The following SEMA5A variants were observed in gnomAD, a reference collection of about 807,000 sequenced individuals.
SEMA5A encodes the protein semaphorin 5A, also known as semaphorin-5A.
Under a neutral mutation model 135.5 loss-of-function variants are expected in SEMA5A, and 55 were observed. That is an observed-to-expected ratio of 0.41 (90% CI 0.33 to 0.51). SEMA5A has a LOEUF of 0.51. SEMA5A is among the 20% of genes least tolerant of loss of function. The probability of loss-of-function intolerance (pLI) is 0.37; values close to 1 mark genes in which losing one functional copy is unlikely to be tolerated. For missense variants in SEMA5A, 1,290 were observed against 1,419.9 expected, an observed-to-expected ratio of 0.91 and a Z score of 1.47; for synonymous variants, 580 against 546.5, an observed-to-expected ratio of 1.06 and a Z score of -0.85.
At position 9,443,057 on chromosome 5, in the gene SEMA5A, T is replaced by A. The variant is rs116121286; in HGVS notation, c.-174-5205A>T. On this transcript the variant is annotated intron_variant, in intron 1 of 22. Transcript: ENST00000382496. Reference sequence around the variant, plus strand: ...GATAATGAAACGCCATTCACTCTGGTTATACGCACTGCAACCCTTTCTGTC... The same window carrying A: ...GATAATGAAACGCCATTCACTCTGGATATACGCACTGCAACCCTTTCTGTC... Among the ~76,000 whole-genome samples the A allele has an allele frequency of 9.4e-3, 1,436 of 152,312 alleles. 29 individuals carry two copies. The highest frequency in any genetic ancestry group is 0.033 in the African/African-American group (1,379 of 41,568).
chr5:9,154,179 T>G (rs2428656), intron 12 of SEMA5A, among the ~76,000 whole-genome samples: 117,120 of 145,214 alleles, frequency 0.81, 47,556 homozygotes, highest in East Asian at 0.97. Flanking sequence ...CAGATTAACA[T>G]ATTAATACAG....
intron 5 of SEMA5A, among the ~76,000 whole-genome samples, chr5:9,293,941 T>C (rs1457298117): frequency 1.3e-5 from 2 of 152,240 alleles, no homozygotes; most frequent in East Asian, 3.8e-4. Context: ...TTCCTTTCTT[T>C]GTAAGATCCC....
At position 9,198,483 on chromosome 5, in the gene SEMA5A, T is replaced by C. The variant is rs1324653343; in HGVS notation, c.933-1180A>G. ...CCAAATGCCAGGATTTCCAATCCTT[T>C]GCAATATCTGTGGGTGAAGTAGACA... On this transcript the variant is annotated intron_variant, in intron 9 of 22. Coordinates refer to ENST00000382496, the MANE Select transcript of SEMA5A (RefSeq NM_003966.3). Among the ~76,000 whole-genome samples the C allele has an allele frequency of 2.6e-5, 4 of 152,126 alleles. No homozygotes were observed. In the East Asian group the frequency reaches 7.7e-4, roughly 29 times the overall value.
rs754065909 is a variant in SEMA5A at position 9,154,497 on chromosome 5, C to T, written c.1472G>A (p.Arg491His). The T allele has an allele frequency of 1.1e-5, 17 of 1,611,706 alleles. No individual in the cohort carries two copies. The highest frequency in any genetic ancestry group is 4.5e-4 in the Middle Eastern group (2 of 4,488). ...CCCGGAGATGCCCTACCTGCGTGTG[C>T]GGTAGAACTGGCACCTCTTCAGGGG... ...KIPLKRCQFYRTRSTCIGAQD... is the reference protein window; with the variant it reads ...KIPLKRCQFYHTRSTCIGAQD... The change falls in exon 12 of 23, where the codon CGC becomes CAC. Residue 491 changes from arginine (R) to histidine (H), a missense_variant. Arg to His is a conservative substitution (Grantham distance 29). Transcript: ENST00000382496.
At chr5:9,173,196 C>T (rs1047856983) in intron 11 of SEMA5A, among the ~76,000 whole-genome samples, 14 of 151,724 alleles carry the variant, frequency 9.2e-5, no homozygotes, top group African/African-American at 3.4e-4. Context: ...TTGCTGCTTT[C>T]CAATAACTCA....
chr5:9,338,678 T>C (rs374071778), intron 3 of SEMA5A, among the ~76,000 whole-genome samples: 1 of 152,282 alleles, frequency 6.6e-6, no homozygotes, highest in East Asian at 1.9e-4. Flanking sequence ...TTTAGTATTT[T>C]GAATAACACC....
intron 1 of SEMA5A, among the ~76,000 whole-genome samples, chr5:9,529,513 A>G (rs184437449): frequency 1.3e-5 from 2 of 152,298 alleles, no homozygotes; most frequent in Admixed American, 1.3e-4. Flanking sequence ...ATTACTACTA[A>G]TATATTTCAA....
intron 1 of SEMA5A, among the ~76,000 whole-genome samples, chr5:9,463,787 A>C (rs972386879): frequency 1.3e-5 from 2 of 152,172 alleles, no homozygotes; most frequent in African/African-American, 4.8e-5. Flanking sequence ...GTTTCAAATC[A>C]ACAGCTGTAA....
intron 1 of SEMA5A, among the ~76,000 whole-genome samples, chr5:9,540,079 A>G (rs909517887): frequency 6.6e-6 from 1 of 152,148 alleles, no homozygotes; most frequent in Non-Finnish European, 1.5e-5. Context: ...AGTATACTCT[A>G]TTGCAGTCTA....
intron 1 of SEMA5A, among the ~76,000 whole-genome samples, chr5:9,447,335 T>C (rs1758470306): frequency 6.6e-6 from 1 of 152,162 alleles, no homozygotes; most frequent in African/African-American, 2.4e-5. Context: ...CCAATTGCGT[T>C]TTGCCTTGGA....
Position 9,044,550 on chromosome 5 carries a change from C to A in SEMA5A, c.2928G>T (p.Leu976=). The change falls in exon 22 of 23, where the codon CTG becomes CTT. Residue 976 remains leucine (L), a synonymous_variant. Coordinates refer to ENST00000382496, the MANE Select transcript of SEMA5A (RefSeq NM_003966.3). ...GGAGGCAGCCGAGGATGGAGCTGCTCAGCCCCACGGCGATCATGTGGAACA... is the reference window on the plus strand; with the variant it reads ...GGAGGCAGCCGAGGATGGAGCTGCTAAGCCCCACGGCGATCATGTGGAACA... ...FNMFHMIAVG[L]SSSILGCLLT... 1.9e-6 allele frequency: 3 copies of A among 1,613,992 alleles called. No homozygotes were observed. Among genetic ancestry groups the A allele is most frequent in the Non-Finnish European group, 2.5e-6 (3 of 1,179,998 alleles).
intron 2 of SEMA5A, among the ~76,000 whole-genome samples, chr5:9,401,950 GT>G (rs1393880517): frequency 6.6e-6 from 1 of 152,136 alleles, no homozygotes; most frequent in Non-Finnish European, 1.5e-5. Context: ...CCCCGTGTAT[GT>G]GTTGCTACAC....
intron 15 of SEMA5A, among the ~76,000 whole-genome samples, chr5:9,113,709 A>G (rs1039975361): frequency 1.3e-5 from 2 of 152,242 alleles, no homozygotes; most frequent in Non-Finnish European, 2.9e-5. Flanking sequence ...ATGCTCAACA[A>G]TATTAGTCAC....
chr5:9,338,747 A>T (rs1461464254), intron 3 of SEMA5A, among the ~76,000 whole-genome samples: 2 of 152,162 alleles, frequency 1.3e-5, no homozygotes, highest in Admixed American at 6.5e-5. Flanking sequence ...GGTTTGAGGA[A>T]AAAGTGTGTG....
At chr5:9,225,627 T>C (rs1411333598) in intron 7 of SEMA5A, among the ~76,000 whole-genome samples, 1 of 151,570 alleles carries the variant, frequency 6.6e-6, no homozygotes, top group Non-Finnish European at 1.5e-5. Flanking sequence ...CAAAATATAA[T>C]GAATAGCCCC....
In SEMA5A at chr5:9,220,208, G is replaced by T. The variant is rs966811999; in HGVS notation, c.646+4466C>A. Among the ~76,000 whole-genome samples the T allele has an allele frequency of 2.0e-5, 3 of 152,158 alleles. No individual in the cohort carries two copies. The South Asian group carries it at 6.2e-4, about 31-fold the overall frequency. On this transcript the variant is annotated intron_variant, in intron 8 of 22. Transcript: ENST00000382496. The stretch of plus-strand genomic sequence containing the variant: ...ATGGTCTTTTGGGACTTGTGGGAAA[G>T]GTTGGCAGGGGAGTGGGGGATAAAA...
intron 16 of SEMA5A, among the ~76,000 whole-genome samples, chr5:9,094,668 C>G (rs1739224346): frequency 6.6e-6 from 1 of 152,214 alleles, no homozygotes; most frequent in Non-Finnish European, 1.5e-5. Flanking sequence ...CACAGTCCTT[C>G]TTTCAGTCAC....
At chr5:9,484,788 C>T (rs1760014386) in intron 1 of SEMA5A, among the ~76,000 whole-genome samples, 3 of 152,232 alleles carry the variant, frequency 2.0e-5, no homozygotes, top group East Asian at 1.9e-4. Flanking sequence ...AATGGATCCA[C>T]AGCACTGGGG....
chr5:9,082,539 G>A (rs1258241833), intron 16 of SEMA5A, among the ~76,000 whole-genome samples: 1 of 152,170 alleles, frequency 6.6e-6, no homozygotes, highest in African/African-American at 2.4e-5. Context: ...AAGCAGGAGA[G>A]CCCACCAAGG....
Sources: gnomAD v4.1 joint callset for allele counts (sites outside exome capture counted in the v4.1 genomes callset) on GRCh38, gnomAD v4.1.1 for gene constraint, MANE v1.5 for transcripts, NCBI Gene and HGNC (gene_info 2026-07-23, HGNC 2026-07-21) for gene names.